Variants in SCAI observed in about 807,000 individuals in gnomAD.
The protein encoded by SCAI is suppressor of cancer cell invasion.
SCAI carries 24 observed loss-of-function variants against 92.2 expected under a neutral mutation model. That is an observed-to-expected ratio of 0.26 (90% confidence interval 0.19 to 0.37). The LOEUF is 0.37. Ranked by LOEUF, SCAI falls within the 10% of genes least tolerant of loss-of-function variation. The pLI is 1.00. For missense variants in SCAI, 450 were observed against 736.2 expected (o/e 0.61, Z 4.50); for synonymous variants, 261 against 258.6 (o/e 1.01, Z -0.09).
chr9:124,987,367 ATTAC>A (rs1040894886), intron 14 of SCAI, among the ~76,000 whole-genome samples: 1 of 152,088 alleles, frequency 6.6e-6, no homozygotes, highest in African/African-American at 2.4e-5. Context: ...TAAATACTAC[ATTAC>A]CACAGACAAG....
At chr9:125,062,407 T>C (rs1057447339) in intron 2 of SCAI, among the ~76,000 whole-genome samples, 2 of 147,028 alleles carry the variant, frequency 1.4e-5, no homozygotes, top group African/African-American at 2.5e-5. Context: ...TTTACAGGCA[T>C]GGGCCACTGT....
chr9:125,026,688 G>T, intron 6 of SCAI, 124 bp downstream of exon 6: 1 of 541,056 alleles, frequency 1.8e-6, no homozygotes, highest in Non-Finnish European at 3.3e-6. Context: ...TACATAGCAG[G>T]CACTCAATAA....
rs553030246 is a variant in SCAI, at chr9:125,091,389, T to C, written c.99-35382A>G. ...GGTCTGTAATTTTCAACCAAGAACC[T>C]TTCCTGGAACAATGCCGTTTCTTTT... On this transcript the variant is annotated intron_variant, in intron 2 of 17. Transcript: ENST00000336505. This position sits in a 1 kb window ranked among gnomAD's most constrained non-coding sequence, Gnocchi z 4.3. 9.2e-5 allele frequency among the ~76,000 whole-genome samples: 14 copies of C among 152,202 alleles called. No individual in the cohort carries two copies. In the South Asian group the frequency reaches 2.9e-3, roughly 32 times the overall value.
intron 17 of SCAI, among the ~76,000 whole-genome samples, chr9:124,957,294 CA>C (rs767949076): frequency 3.9e-5 from 6 of 151,966 alleles, no homozygotes; most frequent in Non-Finnish European, 7.4e-5. Flanking sequence ...TACCCAGCCA[CA>C]AGGCCAGTGT....
At chr9:125,098,965 C>T (rs1207215518) in intron 2 of SCAI, among the ~76,000 whole-genome samples, 3 of 151,094 alleles carry the variant, frequency 2.0e-5, no homozygotes, top group Non-Finnish European at 4.4e-5. Flanking sequence ...TTGGCAAAAT[C>T]ACAGATTAAA....
Position 125,053,990 on chromosome 9 carries a change from T to C in SCAI, c.230+1886A>G, listed in dbSNP as rs528991621. ...TCCCTTTAAGATTTTGTTTTTATTT[T>C]TTGGTTAAGGGTCTTGCTCTGTCAC... On this transcript the variant is annotated intron_variant, in intron 3 of 17. Coordinates refer to ENST00000336505, the MANE Select transcript of SCAI (RefSeq NM_001144877.3). 3.9e-5 allele frequency among the ~76,000 whole-genome samples: 6 copies of C among 152,336 alleles called. No homozygotes were observed. The East Asian group carries it at 1.2e-3, about 29-fold the overall frequency.
chr9:125,111,519 G>A (rs529478795), intron 2 of SCAI, among the ~76,000 whole-genome samples: 69 of 151,692 alleles, frequency 4.5e-4, no homozygotes, highest in African/African-American at 1.5e-3. Context: ...ACACAAATTC[G>A]CAAACTTCCT....
chr9:124,959,507 T>C (rs939672453), intron 17 of SCAI, among the ~76,000 whole-genome samples: 28 of 144,114 alleles, frequency 1.9e-4, no homozygotes, highest in East Asian at 1.4e-3. Flanking sequence ...TATATACACA[T>C]ATATATATAT....
chr9:124,961,327 C>T (rs1588117144), intron 17 of SCAI, among the ~76,000 whole-genome samples: 2 of 150,536 alleles, frequency 1.3e-5, no homozygotes, highest in Non-Finnish European at 3.0e-5. Flanking sequence ...TTGTGGGTGA[C>T]GTCCGCAATT....
intron 3 of SCAI, among the ~76,000 whole-genome samples, chr9:125,054,202 T>A (rs1337474748): frequency 2.0e-5 from 3 of 152,188 alleles, no homozygotes; most frequent in African/African-American, 7.2e-5. Flanking sequence ...CTCAAACTCC[T>A]GGGCTCAAGT....
At chr9:125,100,882 C>T (rs1027991554) in intron 2 of SCAI, among the ~76,000 whole-genome samples, 29 of 152,146 alleles carry the variant, frequency 1.9e-4, no homozygotes, top group Non-Finnish European at 2.9e-5. Flanking sequence ...GCACAGGCCC[C>T]GAGTTAGCTT....
At chr9:125,113,923 T>C (rs1834984660) in intron 2 of SCAI, among the ~76,000 whole-genome samples, 1 of 152,092 alleles carries the variant, frequency 6.6e-6, no homozygotes, top group Non-Finnish European at 1.5e-5. Flanking sequence ...GATCACGCCA[T>C]TGCACTCTAG....
At chr9:125,076,683 C>T (rs1048538509) in intron 2 of SCAI, among the ~76,000 whole-genome samples, 1 of 152,004 alleles carries the variant, frequency 6.6e-6, no homozygotes, top group East Asian at 1.9e-4. Flanking sequence ...TGGCCAACAT[C>T]ATGGCGAAAC....
intron 15 of SCAI, chr9:124,974,147 G>C (rs538718264): frequency 5.9e-5 from 24 of 408,186 alleles, no homozygotes; most frequent in Non-Finnish European, 1.1e-4. Context: ...TCAGGTCATA[G>C]TGCTATCTCC....
chr9:125,041,484 A>G (rs537869990), intron 3 of SCAI, among the ~76,000 whole-genome samples: 2 of 152,340 alleles, frequency 1.3e-5, no homozygotes, highest in Admixed American at 6.5e-5. Context: ...CAATTTTTCA[A>G]GTAAGCACTT....
intron 9 of SCAI, among the ~76,000 whole-genome samples, chr9:125,015,845 C>A (rs10986520): frequency 0.21 from 32,197 of 151,622 alleles, 3,773 homozygotes; most frequent in African/African-American, 0.28. Flanking sequence ...GAATACTATG[C>A]GGCCATAAAA....
intron 2 of SCAI, among the ~76,000 whole-genome samples, chr9:125,067,614 A>G (rs1231166651): frequency 6.6e-6 from 1 of 152,196 alleles, no homozygotes; most frequent in Non-Finnish European, 1.5e-5. Context: ...TTAATTTTGG[A>G]TTCTGGCCTC....
At position 125,081,851 on chromosome 9, in the gene SCAI, G is replaced by T. The variant is rs184381934; in HGVS notation, c.99-25844C>A. On this transcript the variant is annotated intron_variant, in intron 2 of 17. Transcript: ENST00000336505. ...CCCAAAGTGCTAGGATTACAGACAT[G>T]AGCCACCATGCCTGGTCCTAGGCAC... 4.2e-3 allele frequency among the ~76,000 whole-genome samples: 634 copies of T among 152,270 alleles called. 1 individual carries two copies. The highest frequency in any genetic ancestry group is 0.014 in the Middle Eastern group (4 of 294).
intron 9 of SCAI, among the ~76,000 whole-genome samples, chr9:125,006,275 G>A (rs879326034): frequency 6.6e-6 from 1 of 152,174 alleles, no homozygotes; most frequent in Non-Finnish European, 1.5e-5. Flanking sequence ...CAGCACTTTG[G>A]AGGGCCAAGG....
Sources: gnomAD v4.1 joint callset for allele counts (sites outside exome capture counted in the v4.1 genomes callset) on GRCh38, gnomAD v4.1.1 for gene constraint, Gnocchi (gnomAD v3.1) non-coding constraint, MANE v1.5 for transcripts, NCBI Gene and HGNC (gene_info 2026-07-23, HGNC 2026-07-21) for gene names.